The following GLS variants were observed in gnomAD, a reference collection of about 807,000 sequenced individuals.
The protein encoded by GLS is glutaminase.
A neutral mutation model predicts 86.7 loss-of-function variants in GLS; 36 were observed. That is an observed-to-expected ratio of 0.42 (90% CI 0.32 to 0.55). The LOEUF (loss-of-function observed/expected upper bound fraction) is 0.55, where lower values mean the gene tolerates loss of function less well. Ranked by LOEUF, GLS falls within the 20% of genes least tolerant of loss-of-function variation. The probability of loss-of-function intolerance (pLI) is 0.17; values close to 1 mark genes in which losing one functional copy is unlikely to be tolerated. For synonymous variants in GLS, 317 were observed against 305.9 expected (o/e 1.04, Z -0.38); for missense variants, 528 against 833.4 (o/e 0.63, Z 4.51).
At chr2:190,902,348 A>C (rs576919794) in intron 5 of GLS, among the ~76,000 whole-genome samples, 1 of 152,220 alleles carries the variant, frequency 6.6e-6, no homozygotes, top group East Asian at 1.9e-4. Context: ...CTGACTACTA[A>C]TAAAATTAGT....
intron 14 of GLS, among the ~76,000 whole-genome samples, chr2:190,946,900 A>G (rs919428193): frequency 1.3e-5 from 2 of 152,190 alleles, no homozygotes; most frequent in Non-Finnish European, 2.9e-5. Flanking sequence ...CCTGAGTTCT[A>G]CTCAAGCTCC....
chr2:190,902,414 G>A (rs1688977614), intron 5 of GLS, among the ~76,000 whole-genome samples: 1 of 152,078 alleles, frequency 6.6e-6, no homozygotes, highest in South Asian at 2.1e-4. Flanking sequence ...TGTTCCTTGT[G>A]TTCCTGATAA....
At chr2:190,925,877 C>T (rs1689879027) in intron 11 of GLS, among the ~76,000 whole-genome samples, 1 of 152,152 alleles carries the variant, frequency 6.6e-6, no homozygotes, top group Non-Finnish European at 1.5e-5. Context: ...CGTCACCTGC[C>T]TTGCCATATT....
rs1022281558 is a variant in GLS at position 190,905,349 on chromosome 2, T to C, written c.979+182T>C. 1.5e-5 allele frequency: 8 copies of C among 523,064 alleles called. No individual in the cohort carries two copies. Among genetic ancestry groups the C allele is most frequent in the South Asian group, 1.2e-4 (5 of 41,386 alleles). The allele number at this position is 523,064 out of a possible 1,614,324, so 32.4% of individuals were successfully genotyped here. On this transcript the variant is annotated intron_variant, in intron 6 of 17. Coordinates refer to ENST00000320717, the MANE Select transcript of GLS (RefSeq NM_014905.5). The surrounding 1 kb of genome is among the most constrained non-coding windows in gnomAD (Gnocchi z 4.6). Reference sequence around the variant, plus strand: ...GATTATTTTAGGCATCTCATACCACTGGGAAGTGGGCTAGGGAGAACATGA... The same window carrying C: ...GATTATTTTAGGCATCTCATACCACCGGGAAGTGGGCTAGGGAGAACATGA...
chr2:190,960,162 G>C (rs1391532675), intron 17 of GLS, among the ~76,000 whole-genome samples: 2 of 152,184 alleles, frequency 1.3e-5, no homozygotes, highest in African/African-American at 4.8e-5. Context: ...CATATCCTTG[G>C]ACATTATGTA....
Position 190,934,425 on chromosome 2 carries a change from T to A in GLS, c.1650+2788T>A, listed in dbSNP as rs951642643. The stretch of plus-strand genomic sequence containing the variant: ...ATTTAAATAATTATATTTTAAGTTG[T>A]AGAGGATTTTCCCAAGGATTTTATG... On this transcript the variant is annotated intron_variant, in intron 14 of 17. Coordinates refer to ENST00000320717, the MANE Select transcript of GLS (RefSeq NM_014905.5). 1.1e-5 allele frequency: 10 copies of A among 944,192 alleles called. No homozygotes were observed. In the African/African-American group the frequency reaches 1.8e-4, roughly 17 times the overall value. 58.5% of individuals were successfully genotyped at this position (944,192 alleles called of 1,614,324 possible).
At position 190,881,105 on chromosome 2, in the gene GLS, G is replaced by T. The variant is rs1050258572; in HGVS notation, c.21G>T (p.Ser7=). 1 of 1,562,720 alleles carries T rather than the reference G, an allele frequency of 6.4e-7. No homozygotes were observed. The highest frequency in any genetic ancestry group is 1.4e-5 in the African/African-American group (1 of 73,948). MMRLRG[S]GMLRDLLLRS... is the part of the protein sequence containing the mutation. ...GCGGCATGATGCGGCTGCGAGGCTC[G>T]GGGATGCTGCGGGACCTGCTCCTGC... The change falls in exon 1 of 18, where the codon TCG becomes TCT. Residue 7 remains serine, a synonymous_variant. Coordinates refer to ENST00000320717, the MANE Select transcript of GLS (RefSeq NM_014905.5).
At chr2:190,916,141 C>A (rs995823860) in intron 7 of GLS, among the ~76,000 whole-genome samples, 2 of 152,054 alleles carry the variant, frequency 1.3e-5, no homozygotes, top group Admixed American at 1.3e-4. Context: ...AACTAAAAAT[C>A]AATTACTGTT....
rs1690617675 is a variant in GLS at position 190,947,893 on chromosome 2, T to C, written c.1651-5672T>C. 6.6e-6 allele frequency among the ~76,000 whole-genome samples: 1 copy of C among 152,174 alleles called. No homozygotes were observed. On this transcript the variant is annotated intron_variant, in intron 14 of 17. Transcript: ENST00000320717. The surrounding 1 kb of genome is among the most constrained non-coding windows in gnomAD (Gnocchi z 5.0). Reference sequence around the variant, plus strand: ...CATTCCAGAGGGTGTGTCAGCTTAGTTGGAAATACTCGTGGCGCTCTTTAA... The same window carrying C: ...CATTCCAGAGGGTGTGTCAGCTTAGCTGGAAATACTCGTGGCGCTCTTTAA...
Position 190,895,286 on chromosome 2 carries a change from T to C in GLS, c.483+38T>C. ...ATTTTTCTATCTTAACTTAAAAAAA[T>C]CAATAATAATAAATATATACAGTAT... On this transcript the variant is annotated intron_variant, in intron 2 of 17. Coordinates refer to ENST00000320717, the MANE Select transcript of GLS (RefSeq NM_014905.5). This position sits in a 1 kb window ranked among gnomAD's most constrained non-coding sequence, Gnocchi z 4.2. 3 of 810,268 alleles carry C rather than the reference T, an allele frequency of 3.7e-6. No individual in the cohort carries two copies. The highest frequency in any genetic ancestry group is 6.2e-6 in the Non-Finnish European group (3 of 480,348). The allele number at this position is 810,268 out of a possible 1,614,324, so 50.2% of individuals were successfully genotyped here. A position where few individuals can be genotyped will look rare whatever the true frequency, so the allele number is the denominator to read the frequency against.
At chr2:190,889,831 A>G (rs567476967) in intron 1 of GLS, among the ~76,000 whole-genome samples, 2 of 152,306 alleles carry the variant, frequency 1.3e-5, no homozygotes, top group South Asian at 4.1e-4. Flanking sequence ...GTGCTATTAA[A>G]TGAATTTGTG....
Position 190,895,373 on chromosome 2 carries a change from AT to A in GLS, c.483+127del, listed in dbSNP as rs1574566730. ...GATTCTGACTGACAATATTTCTCTT[AT>A]TATGTTTTCAAATTTTTGTCATGCT... On this transcript the variant is annotated intron_variant, in intron 2 of 17. Coordinates refer to ENST00000320717, the MANE Select transcript of GLS (RefSeq NM_014905.5). The surrounding 1 kb of genome is among the most constrained non-coding windows in gnomAD (Gnocchi z 4.2). 2 of 544,836 alleles carry A rather than the reference AT, an allele frequency of 3.7e-6. No homozygotes were observed. The highest frequency in any genetic ancestry group is 5.9e-5 in the East Asian group (2 of 33,870). 33.8% of individuals were successfully genotyped at this position (544,836 alleles called of 1,614,324 possible).
chr2:190,960,059 C>T (rs1017839948), intron 17 of GLS, among the ~76,000 whole-genome samples: 9 of 151,458 alleles, frequency 5.9e-5, no homozygotes, highest in African/African-American at 2.0e-4. Context: ...TAGCAAACTG[C>T]TATTCATCCT....
chr2:190,960,128 T>C (rs1690964351), intron 17 of GLS, among the ~76,000 whole-genome samples: 1 of 152,132 alleles, frequency 6.6e-6, no homozygotes, highest in Non-Finnish European at 1.5e-5. Flanking sequence ...CTTACACATA[T>C]ACATGTACAG....
intron 1 of GLS, among the ~76,000 whole-genome samples, chr2:190,888,326 C>A (rs908853141): frequency 3.3e-5 from 5 of 152,174 alleles, no homozygotes; most frequent in African/African-American, 1.2e-4. Context: ...AAACATCAAA[C>A]TTTAAAAATT....
intron 4 of GLS, among the ~76,000 whole-genome samples, chr2:190,901,035 AAAT>A (rs1688922647): frequency 1.3e-5 from 2 of 152,092 alleles, no homozygotes; most frequent in African/African-American, 4.8e-5. Context: ...AAAATCCTGT[AAAT>A]AATACTAGGA....
intron 5 of GLS, among the ~76,000 whole-genome samples, chr2:190,904,408 C>T (rs888270200): frequency 1.3e-5 from 2 of 152,172 alleles, no homozygotes; most frequent in Non-Finnish European, 2.9e-5. Context: ...AAAATTTCCA[C>T]ATTACATATT....
At chr2:190,881,684 C>G in intron 1 of GLS, 1 of 490,976 alleles carries the variant, frequency 2.0e-6, no homozygotes, top group Non-Finnish European at 3.5e-6. Context: ...ACCCACTTCC[C>G]TTCTCCGCCC....
At chr2:190,945,720 C>T (rs1690562798) in intron 14 of GLS, among the ~76,000 whole-genome samples, 1 of 151,580 alleles carries the variant, frequency 6.6e-6, no homozygotes. Flanking sequence ...GAGTTTATTA[C>T]TTAGCAAAGT....
Sources: allele counts gnomAD v4.1 joint callset (sites outside exome capture counted in the v4.1 genomes callset), GRCh38; gene constraint gnomAD v4.1.1; non-coding constraint Gnocchi (gnomAD v3.1); transcripts MANE v1.5; gene names NCBI Gene and HGNC (gene_info 2026-07-23, HGNC 2026-07-21).